The following RASA2 variants were observed in gnomAD, a reference collection of about 807,000 sequenced individuals.
The protein encoded by RASA2 is RAS p21 protein activator 2, also known as ras GTPase-activating protein 2.
A neutral mutation model predicts 118.2 loss-of-function variants in RASA2; 155 were observed. The observed-to-expected ratio is 1.31, with a 90% CI of 1.15 to 1.50. RASA2 has a LOEUF of 1.50. Among genes scored for constraint, RASA2 ranks in the 40% most tolerant of loss-of-function variants. The pLI, the probability that RASA2 is intolerant of heterozygous loss-of-function variation, is 0.00. For synonymous variants in RASA2, 353 were observed against 349.1 expected, an observed-to-expected ratio of 1.01 and a Z score of -0.12; for missense variants, 1,016 against 1,009.6, an observed-to-expected ratio of 1.01 and a Z score of -0.09.
At chr3:141,505,921 G>A (rs1196630549) in intron 1 of RASA2, among the ~76,000 whole-genome samples, 5 of 152,076 alleles carry the variant, frequency 3.3e-5, no homozygotes, top group South Asian at 2.1e-4. Flanking sequence ...ACATGTGGGC[G>A]AGAGGATATT....
In RASA2 at chr3:141,576,062, C is replaced by T. The variant is rs2083006492; in HGVS notation, c.1484-938C>T. On this transcript the variant is annotated intron_variant, in intron 14 of 23. Coordinates refer to ENST00000286364, the MANE Select transcript of RASA2 (RefSeq NM_006506.5). ...AAAGTGCTGGAATTACGGGCGTGGG[C>T]CACCGCGCCCGGCCAACACTTTATG... is the stretch of plus-strand genomic sequence containing the variant. 3.3e-5 allele frequency among the ~76,000 whole-genome samples: 5 copies of T among 152,192 alleles called. No homozygotes were observed. The South Asian group carries it at 1.0e-3, about 32-fold the overall frequency.
At chr3:141,554,293 T>C (rs1388915535) in intron 6 of RASA2, among the ~76,000 whole-genome samples, 1 of 152,216 alleles carries the variant, frequency 6.6e-6, no homozygotes, top group Non-Finnish European at 1.5e-5. Flanking sequence ...AAATCCTGTT[T>C]TAATGAATGC....
chr3:141,552,306 G>A (rs2082586902), intron 5 of RASA2, among the ~76,000 whole-genome samples: 1 of 152,068 alleles, frequency 6.6e-6, no homozygotes, highest in South Asian at 2.1e-4. Flanking sequence ...GTATTACAAG[G>A]ACAGTAATAT....
At chr3:141,567,790 G>A (rs913456013) in intron 9 of RASA2, among the ~76,000 whole-genome samples, 4 of 152,144 alleles carry the variant, frequency 2.6e-5, no homozygotes, top group Non-Finnish European at 5.9e-5. Flanking sequence ...TAAATTTGCC[G>A]TGCCTAGTAC....
At chr3:141,503,320 C>T (rs1282411750) in intron 1 of RASA2, among the ~76,000 whole-genome samples, 1 of 152,120 alleles carries the variant, frequency 6.6e-6, no homozygotes, top group Non-Finnish European at 1.5e-5. Context: ...GAAGCATATA[C>T]ATCAGAATCT....
Position 141,540,626 on chromosome 3 carries a change from A to G in RASA2, c.527+17A>G. On this transcript the variant is annotated intron_variant, in intron 5 of 23. Transcript: ENST00000286364. ...TGTTGTACAGTAAGCATTTTTTTTA[A>G]CCAAAATCAACTAGAAATAATTCTC... is the stretch of plus-strand genomic sequence containing the variant. The G allele has an allele frequency of 6.4e-7, 1 of 1,571,750 alleles. No individual in the cohort carries two copies. Among genetic ancestry groups the G allele is most frequent in the Non-Finnish European group, 8.7e-7 (1 of 1,146,008 alleles).
chr3:141,545,060 G>C (rs2082464239), intron 5 of RASA2, among the ~76,000 whole-genome samples: 1 of 152,164 alleles, frequency 6.6e-6, no homozygotes, highest in African/African-American at 2.4e-5. Flanking sequence ...ATACCTAAGT[G>C]ACAAAATAAT....
chr3:141,558,496 T>G (rs2082682275), intron 7 of RASA2, among the ~76,000 whole-genome samples: 1 of 151,964 alleles, frequency 6.6e-6, no homozygotes, highest in African/African-American at 2.4e-5. Flanking sequence ...AAGAGAGATT[T>G]TAGGAGAGTG....
chr3:141,603,734 C>G (rs1270946250), intron 19 of RASA2, among the ~76,000 whole-genome samples: 1 of 152,138 alleles, frequency 6.6e-6, no homozygotes, highest in Non-Finnish European at 1.5e-5. Flanking sequence ...TACCCATTAA[C>G]AGTCACTCCC....
chr3:141,589,842 A>AAG (rs1185651304), intron 19 of RASA2, among the ~76,000 whole-genome samples: 6 of 147,998 alleles, frequency 4.1e-5, no homozygotes, highest in African/African-American at 1.5e-4. Flanking sequence ...CTCTGTCTCC[A>AAG]AAAAAAAAAG....
chr3:141,496,174 G>A (rs1429342954), intron 1 of RASA2, among the ~76,000 whole-genome samples: 1 of 152,030 alleles, frequency 6.6e-6, no homozygotes, highest in Non-Finnish European at 1.5e-5. Flanking sequence ...AATTCAAGAT[G>A]GATTAAAGAC....
chr3:141,580,256 C>T (rs980775507), intron 15 of RASA2, 112 bp from the exon 16 acceptor site: 8 of 742,040 alleles, frequency 1.1e-5, no homozygotes, highest in African/African-American at 1.8e-5. Context: ...GTGTTTTGAA[C>T]GTTTTTGAGT....
rs191825442 is a variant in RASA2 at position 141,565,039 on chromosome 3, G to A, written c.863+5044G>A. On this transcript the variant is annotated intron_variant, in intron 9 of 23. Coordinates refer to ENST00000286364, the MANE Select transcript of RASA2 (RefSeq NM_006506.5). ...CTCTCTCTGTCGCCCAGGCTGGAGTGCAGTGGTGCAATCTTGGCTCAGTGC... is the reference window on the plus strand; with the variant it reads ...CTCTCTCTGTCGCCCAGGCTGGAGTACAGTGGTGCAATCTTGGCTCAGTGC... Among the ~76,000 whole-genome samples the A allele has an allele frequency of 4.5e-3, 688 of 152,158 alleles. 5 individuals are homozygous for A. Among genetic ancestry groups the A allele is most frequent in the African/African-American group, 0.016 (653 of 41,516 alleles).
intron 4 of RASA2, among the ~76,000 whole-genome samples, chr3:141,532,442 A>G (rs1461895319): frequency 6.6e-6 from 1 of 152,194 alleles, no homozygotes; most frequent in Non-Finnish European, 1.5e-5. Context: ...TTGGAATGTC[A>G]TCATAGGAAC....
intron 5 of RASA2, among the ~76,000 whole-genome samples, chr3:141,549,524 T>C (rs981067539): frequency 6.6e-6 from 1 of 150,860 alleles, no homozygotes; most frequent in African/African-American, 2.4e-5. Context: ...TTTGCAATTC[T>C]CCAGTCAGCA....
intron 5 of RASA2, among the ~76,000 whole-genome samples, chr3:141,546,621 T>A (rs2082489966): frequency 6.6e-6 from 1 of 152,246 alleles, no homozygotes; most frequent in Non-Finnish European, 1.5e-5. Flanking sequence ...TTAGCAAATA[T>A]TCTCCCATTC....
chr3:141,558,807 T>C (rs993926345), intron 7 of RASA2, 79 bp from the exon 8 acceptor site: 15 of 1,084,766 alleles, frequency 1.4e-5, no homozygotes, highest in Middle Eastern at 2.9e-4. Flanking sequence ...AATTGAATAT[T>C]TTGCAGATGA....
chr3:141,600,400 G>A (rs958828851), intron 19 of RASA2: 2 of 472,526 alleles, frequency 4.2e-6, no homozygotes, highest in Admixed American at 4.7e-5. Flanking sequence ...CAATGTTCAA[G>A]ATGAGCCTCC....
In RASA2 at chr3:141,487,120, T is replaced by G. The variant is rs747843653; in HGVS notation, c.37T>G (p.Ser13Ala). ...AAAPAAAAAS[S>A]EAPAASATAE... Reference sequence around the variant, plus strand: ...GGCGCCTGCTGCTGCGGCGGCTTCTTCCGAGGCGCCAGCGGCGAGTGCGAC... The same window carrying G: ...GGCGCCTGCTGCTGCGGCGGCTTCTGCCGAGGCGCCAGCGGCGAGTGCGAC... Residue 13 changes from serine to alanine, a missense_variant, in exon 1 of 24, where the codon TCC becomes GCC. This residue lies in a region of RASA2 where 896 missense variants were observed against 836.4 expected (regional missense o/e 1.07). Transcript: ENST00000286364. 82 of 1,425,494 alleles carry G rather than the reference T, an allele frequency of 5.8e-5. No homozygotes were observed. The African/African-American group carries it at 1.1e-3, about 20-fold the overall frequency. 88.3% of individuals were successfully genotyped at this position (1,425,494 alleles called of 1,614,324 possible).
Sources: gnomAD v4.1 joint callset for allele counts (sites outside exome capture counted in the v4.1 genomes callset) on GRCh38, gnomAD v4.1.1 for gene constraint, gnomAD v4.1.1 regional missense constraint, MANE v1.5 for transcripts, NCBI Gene and HGNC (gene_info 2026-07-23, HGNC 2026-07-21) for gene names.